Variants in CASP5 observed in about 807,000 individuals in gnomAD.
CASP5 encodes the protein caspase 5, also known as caspase-5.
CASP5 carries 42 observed loss-of-function variants against 45.2 expected under a neutral mutation model. The ratio of observed to expected loss-of-function variants is 0.93; its 90% CI spans 0.73 to 1.20. The LOEUF (loss-of-function observed/expected upper bound fraction) is 1.20, where lower values mean the gene tolerates loss of function less well. Ranked by LOEUF, CASP5 falls within the 50% of genes most tolerant of loss-of-function variation. The pLI is 0.00. For missense variants in CASP5, 512 were observed against 532.2 expected (o/e 0.96, Z 0.37); for synonymous variants, 209 against 186.2 (o/e 1.12, Z -1.00).
At chr11:104,997,108 T>C (rs1293361691) in intron 8 of CASP5, among the ~76,000 whole-genome samples, 1 of 152,182 alleles carries the variant, frequency 6.6e-6, no homozygotes, top group African/African-American at 2.4e-5. Context: ...CAAAAATTAT[T>C]TCAAAATATT....
At chr11:105,017,531 C>T (rs888702841) in intron 1 of CASP5, among the ~76,000 whole-genome samples, 7 of 150,232 alleles carry the variant, frequency 4.7e-5, no homozygotes, top group African/African-American at 1.2e-4. Context: ...GGAGCCGATG[C>T]GATCAACTGG....
At chr11:105,008,235 A>G (rs1862103423) in intron 2 of CASP5, among the ~76,000 whole-genome samples, 1 of 152,100 alleles carries the variant, frequency 6.6e-6, no homozygotes, top group East Asian at 1.9e-4. Flanking sequence ...AAAGTGTTTA[A>G]TTTTTAGGTA....
chr11:104,998,638 T>C (rs531720800), intron 7 of CASP5, among the ~76,000 whole-genome samples: 1 of 152,322 alleles, frequency 6.6e-6, no homozygotes, highest in Non-Finnish European at 1.5e-5. Context: ...TTGTATTGCT[T>C]TAATATTTGG....
At chr11:104,999,180 T>C in intron 6 of CASP5, 152 bp from the exon 7 acceptor site, 1 of 636,038 alleles carries the variant, frequency 1.6e-6, no homozygotes, top group Middle Eastern at 4.1e-4. Context: ...CATTAAGTAT[T>C]TGTCTTAAGG....
intron 1 of CASP5, among the ~76,000 whole-genome samples, chr11:105,010,401 GTAAT>G (rs1862286968): frequency 8.3e-6 from 1 of 120,270 alleles, no homozygotes; most frequent in Non-Finnish European, 1.8e-5. Flanking sequence ...GATTTAATCA[GTAAT>G]TATCATTATT....
rs562460287 is a variant in CASP5 at position 105,011,479 on chromosome 11, A to G, written c.8-2499T>C. Among the ~76,000 whole-genome samples the G allele has an allele frequency of 2.0e-5, 3 of 151,896 alleles. No individual in the cohort carries two copies. The East Asian group carries it at 5.8e-4, about 29-fold the overall frequency. On this transcript the variant is annotated intron_variant, in intron 1 of 9. Transcript: ENST00000260315. ...TAGACAACAGAAAGAATTTAAAGGC[A>G]TCAAAATAGGAGAGGAAGAAGTTAA...
At chr11:105,021,933 G>A (rs1361955294) in intron 1 of CASP5, among the ~76,000 whole-genome samples, 1 of 149,464 alleles carries the variant, frequency 6.7e-6, no homozygotes, top group Non-Finnish European at 1.5e-5. Context: ...ATGATAGACT[G>A]GATTAAGAAA....
chr11:105,004,875 T>C (rs1176668409), intron 3 of CASP5, among the ~76,000 whole-genome samples: 1 of 152,186 alleles, frequency 6.6e-6, no homozygotes, highest in Non-Finnish European at 1.5e-5. Flanking sequence ...GGGATATTAC[T>C]GGTCTGAGGG....
Position 104,998,931 on chromosome 11 carries a change from C to T in CASP5, c.1050G>A (p.Lys350=). 1.9e-6 allele frequency: 3 copies of T among 1,613,930 alleles called. No individual in the cohort carries two copies. The highest frequency in any genetic ancestry group is 2.5e-6 in the Non-Finnish European group (3 of 1,179,880). Residue 350 remains lysine, a synonymous_variant, in exon 7 of 10, where the codon AAG becomes AAA. Coordinates refer to ENST00000260315, the MANE Select transcript of CASP5 (RefSeq NM_004347.5). ...SENLEADSVC[K]IHEEKDFIAF... The stretch of plus-strand genomic sequence containing the variant: ...CAATGAAGTCCTTCTCCTCGTGGAT[C>T]TTGCAAACAGAATCTGCCTCCAGGT...
chr11:105,003,945 CA>C (rs1339522469), intron 3 of CASP5, among the ~76,000 whole-genome samples: 1 of 151,784 alleles, frequency 6.6e-6, no homozygotes, highest in Non-Finnish European at 1.5e-5. Flanking sequence ...CTGGTGGCTA[CA>C]AAAGTGGATG....
At chr11:105,017,635 T>G (rs1337181963) in intron 1 of CASP5, among the ~76,000 whole-genome samples, 5 of 152,010 alleles carry the variant, frequency 3.3e-5, no homozygotes, top group Non-Finnish European at 7.4e-5. Flanking sequence ...GAGCAAAGCC[T>G]CCAAGAAATA....
chr11:105,008,565 C>G (rs1862117332), intron 2 of CASP5, among the ~76,000 whole-genome samples: 1 of 152,020 alleles, frequency 6.6e-6, no homozygotes, highest in Non-Finnish European at 1.5e-5. Context: ...CTACAAGCCT[C>G]TACTATTAAT....
At chr11:104,998,765 T>G (rs1222551351) in intron 7 of CASP5, 120 bp downstream of exon 7, 3 of 939,298 alleles carry the variant, frequency 3.2e-6, no homozygotes, top group African/African-American at 3.3e-5. Flanking sequence ...GCAAAATATA[T>G]AGAGAGCACA....
intron 9 of CASP5, 43 bp downstream of exon 9, chr11:104,995,697 G>T: frequency 1.6e-6 from 2 of 1,271,656 alleles, no homozygotes; most frequent in Non-Finnish European, 2.3e-6. Context: ...CACCGATATA[G>T]CTCTTTCATT....
intron 8 of CASP5, 82 bp from the exon 9 acceptor site, chr11:104,995,924 G>T: frequency 1.2e-6 from 1 of 847,634 alleles, no homozygotes. Context: ...GGAAATGCCT[G>T]AATGAAGAGA....
chr11:105,006,975 A>C (rs978937422), intron 3 of CASP5, 108 bp downstream of exon 3: 40 of 944,116 alleles, frequency 4.2e-5, no homozygotes, highest in Non-Finnish European at 6.0e-5. Context: ...TGAAAATGAG[A>C]GTTTAGAAAT....
intron 1 of CASP5, among the ~76,000 whole-genome samples, chr11:105,017,584 A>G (rs1396370101): frequency 9.9e-5 from 15 of 152,212 alleles, no homozygotes; most frequent in Non-Finnish European, 2.9e-5. Context: ...AATGAAATGA[A>G]GCAAGAAGGG....
chr11:105,007,282 A>G lies in CASP5; in HGVS notation c.234T>C (p.Asp78=), dbSNP rs142900304. ...TVKMLEYLGK[D]VLHGVFNYLA... ...AATAATTAAAAACACCATGAAGAAC[A>G]TCTTTGCCCAGGTATTCCAACATCT... The change falls in exon 3 of 10, where the codon GAT becomes GAC. Residue 78 remains aspartate, a synonymous_variant. Transcript: ENST00000260315. 171 of 1,609,354 alleles carry G rather than the reference A, an allele frequency of 1.1e-4. No homozygotes were observed. In the African/African-American group the frequency reaches 2.0e-3, roughly 19 times the overall value.
chr11:105,017,758 C>G (rs1404226311), intron 1 of CASP5, among the ~76,000 whole-genome samples: 2 of 151,970 alleles, frequency 1.3e-5, no homozygotes, highest in Non-Finnish European at 2.9e-5. Context: ...GAGAACTTCC[C>G]CAATATAGCA....
Sources: allele counts gnomAD v4.1 joint callset (sites outside exome capture counted in the v4.1 genomes callset), GRCh38; gene constraint gnomAD v4.1.1; transcripts MANE v1.5; gene names NCBI Gene and HGNC (gene_info 2026-07-23, HGNC 2026-07-21).